Variants in ZNF106 observed in about 807,000 individuals in gnomAD.
ZNF106 encodes the protein SH3-domain binding protein 3.
In ZNF106, 67 loss-of-function variants were observed where a neutral mutation model predicts 195.1. That is an observed-to-expected ratio of 0.34 (90% CI 0.28 to 0.42). ZNF106 has a LOEUF of 0.42. Ranked by LOEUF, ZNF106 falls within the 10% of genes least tolerant of loss-of-function variation. The pLI is 1.00. For synonymous variants in ZNF106, 784 were observed against 818.6 expected (o/e 0.96, Z 0.72); for missense variants, 2,118 against 2,304.5 (o/e 0.92, Z 1.66).
Position 42,426,563 on chromosome 15 carries a change from CTT to C in ZNF106, c.4998+1453_4998+1454del, listed in dbSNP as rs539711765. Among the ~76,000 whole-genome samples the C allele has an allele frequency of 6.8e-3, 788 of 115,698 alleles. 5 individuals are homozygous for C. The highest frequency in any genetic ancestry group is 0.026 in the African/African-American group (760 of 29,108). The allele number at this position is 115,698 out of a possible 152,430, so 75.9% of individuals were successfully genotyped here. On this transcript the variant is annotated intron_variant, in intron 15 of 21. Coordinates refer to ENST00000564754, the MANE Select transcript of ZNF106 (RefSeq NM_001366845.3). ...TCCAGGCGTGTGCTACCATACTTAG[CTT>C]TTTTTTTTTTTTTTTTTTTGAGAAA...
At chr15:42,433,133 T>TCTTG (rs1436502879) in intron 14 of ZNF106, among the ~76,000 whole-genome samples, 2 of 152,128 alleles carry the variant, frequency 1.3e-5, no homozygotes, top group Non-Finnish European at 2.9e-5. Flanking sequence ...TGAGACGGAG[T>TCTTG]CTTGCTCTGT....
At chr15:42,427,203 C>G (rs1243983259) in intron 15 of ZNF106, among the ~76,000 whole-genome samples, 1 of 152,178 alleles carries the variant, frequency 6.6e-6, no homozygotes, top group East Asian at 1.9e-4. Flanking sequence ...GCTTCCACTA[C>G]AAAACCTCCT....
chr15:42,432,643 C>T (rs991166900), intron 14 of ZNF106, among the ~76,000 whole-genome samples: 6 of 149,826 alleles, frequency 4.0e-5, no homozygotes, highest in African/African-American at 1.2e-4. Context: ...GAGACCAAAG[C>T]AGGAGGACTG....
intron 1 of ZNF106, among the ~76,000 whole-genome samples, chr15:42,481,225 C>T (rs924938778): frequency 1.3e-5 from 2 of 151,958 alleles, no homozygotes; most frequent in Non-Finnish European, 2.9e-5. Flanking sequence ...TCTGAAGATT[C>T]AACTTTCCAT....
chr15:42,426,977 A>G (rs1372089389), intron 15 of ZNF106, among the ~76,000 whole-genome samples: 1 of 152,176 alleles, frequency 6.6e-6, no homozygotes, highest in African/African-American at 2.4e-5. Flanking sequence ...TGTAGGCAGA[A>G]ACCATGACAT....
intron 1 of ZNF106, among the ~76,000 whole-genome samples, chr15:42,472,784 G>A (rs2056704561): frequency 6.6e-6 from 1 of 152,076 alleles, no homozygotes; most frequent in Non-Finnish European, 1.5e-5. Flanking sequence ...GGCCGACGCG[G>A]GCAGATCACG....
At chr15:42,442,449 A>C in intron 9 of ZNF106, 35 bp from the exon 10 acceptor site, 1 of 1,538,212 alleles carries the variant, frequency 6.5e-7, no homozygotes, top group Non-Finnish European at 8.8e-7. Context: ...AGAAATGCAA[A>C]AATGTTATCT....
At chr15:42,471,687 C>A (rs1449276559) in intron 2 of ZNF106, among the ~76,000 whole-genome samples, 1 of 152,232 alleles carries the variant, frequency 6.6e-6, no homozygotes, top group Non-Finnish European at 1.5e-5. Context: ...GCTGAGATTG[C>A]GCCACTGCAC....
Position 42,471,209 on chromosome 15 carries a change from G to A in ZNF106, c.54+1027C>T, listed in dbSNP as rs181893608. On this transcript the variant is annotated intron_variant, in intron 2 of 21. Coordinates refer to ENST00000564754, the MANE Select transcript of ZNF106 (RefSeq NM_001366845.3). Reference sequence around the variant, plus strand: ...TCTTCCTCGTTTCTCTTAAACCATCGTTACTCTAGACACTTTTCAAAGTTT... The same window carrying A: ...TCTTCCTCGTTTCTCTTAAACCATCATTACTCTAGACACTTTTCAAAGTTT... Among the ~76,000 whole-genome samples, 299 of 152,052 alleles carry A rather than the reference G, an allele frequency of 2.0e-3. 2 individuals carry two copies. The highest frequency in any genetic ancestry group is 6.9e-3 in the African/African-American group (286 of 41,466).
chr15:42,485,490 T>C (rs2056991923), intron 1 of ZNF106, among the ~76,000 whole-genome samples: 1 of 152,226 alleles, frequency 6.6e-6, no homozygotes, highest in African/African-American at 2.4e-5. Context: ...CATGGGTTTC[T>C]TCCAGGTCTC....
chr15:42,479,111 C>T (rs377168766), intron 1 of ZNF106, among the ~76,000 whole-genome samples: 2 of 152,166 alleles, frequency 1.3e-5, no homozygotes, highest in East Asian at 1.9e-4. Flanking sequence ...CTACGACTCA[C>T]GTCTATAATC....
In ZNF106 at chr15:42,418,532, ATTTTT is replaced by A. The variant is rs1162999546; in HGVS notation, c.5518-586_5518-582del. Among the ~76,000 whole-genome samples the A allele has an allele frequency of 2.1e-3, 199 of 96,246 alleles. 5 individuals carry two copies. In the East Asian group the frequency reaches 0.037, roughly 18 times the overall value. 63.1% of individuals were successfully genotyped at this position (96,246 alleles called of 152,430 possible). A position where few individuals can be genotyped will look rare whatever the true frequency, so the allele number is the denominator to read the frequency against. ...AGGCGTGCACCACCACGGCCAGTTA[ATTTTT>A]TTTTTTTTTTTTTTTTTTTTTAGTA... is the stretch of plus-strand genomic sequence containing the variant. On this transcript the variant is annotated intron_variant, in intron 20 of 21. Transcript: ENST00000564754.
chr15:42,442,063 G>C lies in ZNF106; in HGVS notation c.3763+10C>G. On this transcript the variant is annotated intron_variant, in intron 10 of 21. Coordinates refer to ENST00000564754, the MANE Select transcript of ZNF106 (RefSeq NM_001366845.3). ...TGGGATGCCCTTAACCCAGAGAAAA[G>C]CTTACATACTATTAGCTTCCAGTAA... The C allele has an allele frequency of 6.3e-7, 1 of 1,598,574 alleles. No homozygotes were observed. Among genetic ancestry groups the C allele is most frequent in the Non-Finnish European group, 8.5e-7 (1 of 1,171,440 alleles).
intron 8 of ZNF106, 38 bp from the exon 9 acceptor site, chr15:42,444,300 A>G: frequency 6.6e-7 from 1 of 1,521,522 alleles, no homozygotes. Flanking sequence ...TTTGAAATCC[A>G]ACTTGTAAGG....
At chr15:42,490,521 TTTG>T (rs1282134965) in intron 1 of ZNF106, 6 of 151,828 alleles carry the variant, frequency 4.0e-5, no homozygotes, top group African/African-American at 1.5e-4. Flanking sequence ...GTTGTTACTA[TTTG>T]TTATTAGTTG....
rs551742151 is a variant in ZNF106, at chr15:42,429,277, A to G, written c.4882-1143T>C. On this transcript the variant is annotated intron_variant, in intron 14 of 21. Transcript: ENST00000564754. ...AACACGGTGAAACCCTGTTTCTACT[A>G]AAACTACAAAAATTAGCTGGGCATG... 2.9e-4 allele frequency among the ~76,000 whole-genome samples: 44 copies of G among 151,574 alleles called. 1 individual carries two copies. In the South Asian group the frequency reaches 5.4e-3, roughly 19 times the overall value.
intron 1 of ZNF106, among the ~76,000 whole-genome samples, chr15:42,484,492 C>A (rs998161459): frequency 2.0e-5 from 3 of 152,154 alleles, no homozygotes; most frequent in African/African-American, 7.2e-5. Context: ...ATAGGCATGG[C>A]GGCTCACGCC....
Position 42,428,152 on chromosome 15 carries a change from C to T in ZNF106, c.4882-18G>A, listed in dbSNP as rs377204022. On this transcript the variant is annotated intron_variant, in intron 14 of 21. Transcript: ENST00000564754. The stretch of plus-strand genomic sequence containing the variant: ...TCTCGGCTCTGATAAAAGCACACAA[C>T]CTTTAATCAGCAGAGGGTACTGGCA... The T allele has an allele frequency of 5.6e-6, 9 of 1,604,210 alleles. No individual in the cohort carries two copies. Among genetic ancestry groups the T allele is most frequent in the Non-Finnish European group, 6.8e-6 (8 of 1,171,440 alleles).
chr15:42,447,966 A>T, intron 6 of ZNF106, 106 bp downstream of exon 6: 1 of 1,287,408 alleles, frequency 7.8e-7, no homozygotes, highest in Non-Finnish European at 1.1e-6. Context: ...AGAAGTTGAG[A>T]GAATCACAAT....
Sources: gnomAD v4.1 joint callset for allele counts (sites outside exome capture counted in the v4.1 genomes callset) on GRCh38, gnomAD v4.1.1 for gene constraint, MANE v1.5 for transcripts, NCBI Gene and HGNC (gene_info 2026-07-23, HGNC 2026-07-21) for gene names.